TPD52L1: variants seen among roughly 807,000 people sequenced by gnomAD.
TPD52L1 encodes TPD52 like 1.
In TPD52L1, 18 loss-of-function variants were observed where a neutral mutation model predicts 28.7. That is an observed-to-expected ratio of 0.63 (90% CI 0.43 to 0.93). The LOEUF (loss-of-function observed/expected upper bound fraction) is 0.93, where lower values mean the gene tolerates loss of function less well. TPD52L1 is among the 40% of genes least tolerant of loss of function. The pLI, the probability that TPD52L1 is intolerant of heterozygous loss-of-function variation, is 0.00. For synonymous variants in TPD52L1, 75 were observed against 88.8 expected (o/e 0.84, Z 0.88); for missense variants, 203 against 254.8 (o/e 0.80, Z 1.39).
chr6:125,188,639 A>C (rs935885097), intron 1 of TPD52L1, among the ~76,000 whole-genome samples: 2 of 151,902 alleles, frequency 1.3e-5, no homozygotes, highest in Non-Finnish European at 2.9e-5. Context: ...AACAATTCCT[A>C]CTCTCTTCTA....
chr6:125,190,022 G>A (rs987677459), intron 1 of TPD52L1, among the ~76,000 whole-genome samples: 3 of 152,000 alleles, frequency 2.0e-5, no homozygotes, highest in Non-Finnish European at 2.9e-5. Context: ...ACCAACATTG[G>A]GGTGTCGGTG....
chr6:125,207,816 A>G (rs1337769689), intron 1 of TPD52L1, among the ~76,000 whole-genome samples: 1 of 152,216 alleles, frequency 6.6e-6, no homozygotes, highest in African/African-American at 2.4e-5. Context: ...GCCAGAATCC[A>G]TGGCACTGTT....
chr6:125,161,823 G>C lies in TPD52L1; in HGVS notation c.19+7853G>C, dbSNP rs550225304. 5.9e-5 allele frequency among the ~76,000 whole-genome samples: 9 copies of C among 152,288 alleles called. No homozygotes were observed. In the South Asian group the frequency reaches 1.2e-3, roughly 21 times the overall value. On this transcript the variant is annotated intron_variant, in intron 1 of 6. Transcript: ENST00000534000. ...TAATAATGGAAAAGTTTGAAATATTGTGAGAGTTACTAAAATGTGACACAG... is the reference window on the plus strand; with the variant it reads ...TAATAATGGAAAAGTTTGAAATATTCTGAGAGTTACTAAAATGTGACACAG...
At chr6:125,236,715 C>T (rs183901156) in intron 3 of TPD52L1, among the ~76,000 whole-genome samples, 52 of 152,268 alleles carry the variant, frequency 3.4e-4, no homozygotes, top group African/African-American at 1.2e-3. Context: ...CCTTGAGTCA[C>T]GTTTCAGGCC....
At chr6:125,225,278 T>A (rs1226341146) in intron 2 of TPD52L1, among the ~76,000 whole-genome samples, 2 of 152,234 alleles carry the variant, frequency 1.3e-5, no homozygotes, top group East Asian at 3.8e-4. Context: ...TAGTCACCTT[T>A]GGTCTACTGT....
At chr6:125,184,934 T>C (rs1195358411) in intron 1 of TPD52L1, among the ~76,000 whole-genome samples, 2 of 151,126 alleles carry the variant, frequency 1.3e-5, no homozygotes, top group Non-Finnish European at 2.9e-5. Context: ...TAGGAATGTG[T>C]TGGATCAAAA....
chr6:125,202,198 T>G (rs1490079943), intron 1 of TPD52L1, among the ~76,000 whole-genome samples: 2 of 152,208 alleles, frequency 1.3e-5, no homozygotes, highest in African/African-American at 4.8e-5. Flanking sequence ...TGAGGAAGTC[T>G]TTCTTACTAT....
intron 6 of TPD52L1, among the ~76,000 whole-genome samples, chr6:125,258,836 T>A (rs1286028044): frequency 1.3e-5 from 2 of 152,150 alleles, no homozygotes; most frequent in African/African-American, 4.8e-5. Context: ...TATGCTTGTA[T>A]GACTGTTCAT....
At chr6:125,245,406 T>C (rs747478910) in intron 3 of TPD52L1, among the ~76,000 whole-genome samples, 1 of 152,150 alleles carries the variant, frequency 6.6e-6, no homozygotes, top group Non-Finnish European at 1.5e-5. Context: ...GATTTAAGCT[T>C]GCACTAAATT....
chr6:125,192,019 G>A lies in TPD52L1; in HGVS notation c.20-28059G>A, dbSNP rs1324217932. On this transcript the variant is annotated intron_variant, in intron 1 of 6. Coordinates refer to ENST00000534000, the MANE Select transcript of TPD52L1 (RefSeq NM_003287.4). ...CTACTAAATAGTCACCAGCTTTCAC[G>A]ATAGCTTCTGTAGCATGCCAGGGGG... is the stretch of plus-strand genomic sequence containing the variant. Among the ~76,000 whole-genome samples the A allele has an allele frequency of 2.6e-5, 4 of 152,156 alleles. No individual in the cohort carries two copies. In the South Asian group the frequency reaches 6.2e-4, roughly 24 times the overall value.
chr6:125,233,354 G>GC (rs1313520519), intron 3 of TPD52L1, among the ~76,000 whole-genome samples: 1 of 152,080 alleles, frequency 6.6e-6, no homozygotes, highest in East Asian at 1.9e-4. Flanking sequence ...AGACTTCCAG[G>GC]CCATTAATGG....
intron 1 of TPD52L1, among the ~76,000 whole-genome samples, chr6:125,171,190 T>C (rs930449515): frequency 2.6e-5 from 4 of 152,176 alleles, no homozygotes; most frequent in Admixed American, 1.3e-4. Context: ...ACTTTGAGAA[T>C]GAGCCATTTG....
At chr6:125,185,386 C>T (rs1792533664) in intron 1 of TPD52L1, among the ~76,000 whole-genome samples, 1 of 152,140 alleles carries the variant, frequency 6.6e-6, no homozygotes, top group South Asian at 2.1e-4. Flanking sequence ...TAGTCAAGTA[C>T]TTGGCCTGGA....
chr6:125,165,022 G>A (rs925170932), intron 1 of TPD52L1, among the ~76,000 whole-genome samples: 1 of 139,282 alleles, frequency 7.2e-6, no homozygotes, highest in African/African-American at 3.0e-5. Context: ...CTGAGGCAGT[G>A]GGACCACTTG....
Position 125,153,879 on chromosome 6 carries a change from C to A in TPD52L1, c.-73C>A, listed in dbSNP as rs1317073370. Reference sequence around the variant, plus strand: ...GCGGCGGGGCCAGCTGCGTTCTGAGCCTGGGCGCAGCTGCCATCTGCTCTG... The same window carrying A: ...GCGGCGGGGCCAGCTGCGTTCTGAGACTGGGCGCAGCTGCCATCTGCTCTG... On this transcript the variant is annotated 5_prime_UTR_variant, in exon 1 of 7. Coordinates refer to ENST00000534000, the MANE Select transcript of TPD52L1 (RefSeq NM_003287.4). 13 of 1,529,712 alleles carry A rather than the reference C, an allele frequency of 8.5e-6. No individual in the cohort carries two copies. The African/African-American group carries it at 1.5e-4, about 18-fold the overall frequency. 94.8% of individuals were successfully genotyped at this position (1,529,712 alleles called of 1,614,324 possible).
intron 1 of TPD52L1, among the ~76,000 whole-genome samples, chr6:125,192,043 GGGAAGAAAGCCACGTTCTTTCC>G (rs1287965882): frequency 2.0e-5 from 3 of 152,232 alleles, no homozygotes; most frequent in Admixed American, 6.5e-5. Flanking sequence ...CATGCCAGGG[GGGAAGAAAGCCACGTTCTTTCC>G]TCACTGTTCC....
chr6:125,218,630 T>C (rs963544808), intron 1 of TPD52L1, among the ~76,000 whole-genome samples: 2 of 152,220 alleles, frequency 1.3e-5, no homozygotes, highest in African/African-American at 4.8e-5. Flanking sequence ...TTTGCCTTTT[T>C]GTGTCTTAAG....
intron 1 of TPD52L1, among the ~76,000 whole-genome samples, chr6:125,180,871 T>A (rs1014536512): frequency 2.6e-5 from 4 of 152,224 alleles, no homozygotes; most frequent in African/African-American, 9.6e-5. Context: ...TGCAGCCAAA[T>A]GACTTGCTAT....
At chr6:125,251,925 C>A in intron 4 of TPD52L1, 1 of 1,257,036 alleles carries the variant, frequency 8.0e-7, no homozygotes, top group Non-Finnish European at 1.1e-6. Flanking sequence ...TGCTCTGGGG[C>A]CCTTGAAAGG....
Sources: allele counts gnomAD v4.1 joint callset (sites outside exome capture counted in the v4.1 genomes callset), GRCh38; gene constraint gnomAD v4.1.1; transcripts MANE v1.5; gene names NCBI Gene and HGNC (gene_info 2026-07-23, HGNC 2026-07-21).